Variants in PRICKLE1 observed in about 807,000 individuals in gnomAD.
The protein encoded by PRICKLE1 is prickle-like protein 1.
Under a neutral mutation model 70.2 loss-of-function variants are expected in PRICKLE1, and 14 were observed. That is an observed-to-expected ratio of 0.20 (90% confidence interval 0.13 to 0.31). The LOEUF (loss-of-function observed/expected upper bound fraction) is 0.31. Ranked by LOEUF, PRICKLE1 falls within the 10% of genes least tolerant of loss-of-function variation. The pLI is 1.00. For missense variants in PRICKLE1, 821 were observed against 1,026.2 expected (o/e 0.80, Z 2.73); for synonymous variants, 357 against 379.9 (o/e 0.94, Z 0.70).
intron 1 of PRICKLE1, among the ~76,000 whole-genome samples, chr12:42,474,890 A>G (rs1938463468): frequency 6.6e-6 from 1 of 152,230 alleles, no homozygotes. Flanking sequence ...TAAAAATTAA[A>G]TGTCACTGGA....
chr12:42,558,614 C>T (rs943209401), intron 1 of PRICKLE1, among the ~76,000 whole-genome samples: 14 of 152,216 alleles, frequency 9.2e-5, no homozygotes, highest in African/African-American at 2.2e-4. Flanking sequence ...GAGTGAACAC[C>T]GGACCACAAG....
intron 7 of PRICKLE1, 152 bp from the exon 8 acceptor site, chr12:42,460,817 C>T: frequency 1.2e-6 from 1 of 825,936 alleles, no homozygotes; most frequent in Non-Finnish European, 2.0e-6. Flanking sequence ...TGTATCTATG[C>T]CAATTGAGAA....
At chr12:42,513,965 C>T (rs1048778567) in intron 1 of PRICKLE1, among the ~76,000 whole-genome samples, 1 of 152,162 alleles carries the variant, frequency 6.6e-6, no homozygotes, top group South Asian at 2.1e-4. Context: ...CTATTGCACT[C>T]CAGCCTGGGC....
At chr12:42,472,649 T>C (rs1938371853) in intron 1 of PRICKLE1, 85 bp from the exon 2 acceptor site, 4 of 1,149,620 alleles carry the variant, frequency 3.5e-6, no homozygotes, top group African/African-American at 3.0e-5. Context: ...TATTGAATGC[T>C]GTTAACAGAC....
intron 5 of PRICKLE1, among the ~76,000 whole-genome samples, 153 bp downstream of exon 5, chr12:42,468,473 T>C (rs1470356489): frequency 6.6e-6 from 1 of 152,230 alleles, no homozygotes; most frequent in Non-Finnish European, 1.5e-5. Context: ...CAAATATAGA[T>C]CATTTCATTG....
At chr12:42,482,171 T>A (rs1166228488) in intron 1 of PRICKLE1, among the ~76,000 whole-genome samples, 1 of 152,248 alleles carries the variant, frequency 6.6e-6, no homozygotes, top group Non-Finnish European at 1.5e-5. Context: ...CAAGAAACTA[T>A]CCATTTTTCC....
chr12:42,528,097 T>G (rs2120526108), intron 1 of PRICKLE1, among the ~76,000 whole-genome samples: 1 of 152,032 alleles, frequency 6.6e-6, no homozygotes, highest in South Asian at 2.1e-4. Flanking sequence ...ACTTACTTAT[T>G]TGAGACAGAG....
intron 1 of PRICKLE1, among the ~76,000 whole-genome samples, chr12:42,562,904 A>G (rs950357365): frequency 6.6e-6 from 1 of 152,168 alleles, no homozygotes; most frequent in Non-Finnish European, 1.5e-5. Flanking sequence ...AATTGTGATC[A>G]GGGGGCCGGG....
intron 1 of PRICKLE1, among the ~76,000 whole-genome samples, chr12:42,504,232 C>T (rs527399968): frequency 6.6e-6 from 1 of 152,296 alleles, no homozygotes; most frequent in South Asian, 2.1e-4. Context: ...GGCTCAGAGG[C>T]ACCACTCCTG....
At chr12:42,527,128 CTTTTTTT>C (rs386376309) in intron 1 of PRICKLE1, among the ~76,000 whole-genome samples, 35 of 100,788 alleles carry the variant, frequency 3.5e-4, no homozygotes, top group African/African-American at 6.0e-4. Context: ...TTTTTTTCCT[CTTTTTTT>C]TTTTTTTTTT....
chr12:42,478,917 A>T (rs757769892), intron 1 of PRICKLE1, among the ~76,000 whole-genome samples: 1 of 152,174 alleles, frequency 6.6e-6, no homozygotes, highest in Non-Finnish European at 1.5e-5. Context: ...CATCATTGTC[A>T]AGAGAACATC....
At chr12:42,540,066 A>C (rs1471637472) in intron 1 of PRICKLE1, among the ~76,000 whole-genome samples, 1 of 152,166 alleles carries the variant, frequency 6.6e-6, no homozygotes, top group Non-Finnish European at 1.5e-5. Context: ...TACATCATGA[A>C]CCTCCCTGGT....
chr12:42,479,793 T>C (rs1278339860), intron 1 of PRICKLE1, among the ~76,000 whole-genome samples: 1 of 151,944 alleles, frequency 6.6e-6, no homozygotes, highest in African/African-American at 2.4e-5. Flanking sequence ...CCATCTCTAC[T>C]AAAAATACAA....
chr12:42,560,817 C>A (rs934185519), intron 1 of PRICKLE1, among the ~76,000 whole-genome samples: 1 of 130,984 alleles, frequency 7.6e-6, no homozygotes, highest in Non-Finnish European at 1.7e-5. Context: ...CACACACACA[C>A]AAAACAAAAA....
chr12:42,469,335 C>G (rs1440877533), intron 4 of PRICKLE1, 115 bp downstream of exon 4: 1 of 1,233,244 alleles, frequency 8.1e-7, no homozygotes, highest in East Asian at 2.3e-5. Context: ...GTCTTTCTCT[C>G]ATTTTCTGGA....
In PRICKLE1 at chr12:42,457,426, C is replaced by A. The variant is rs1228457256; in HGVS notation, c.*2383G>T. On this transcript the variant is annotated 3_prime_UTR_variant, in exon 8 of 8. Coordinates refer to ENST00000345127, the MANE Select transcript of PRICKLE1 (RefSeq NM_153026.3). ...AAAAGGATGCCCACTTGTGGCAGCACAGGTTCTGAAAATTTCTTCAAAATC... is the reference window on the plus strand; with the variant it reads ...AAAAGGATGCCCACTTGTGGCAGCAAAGGTTCTGAAAATTTCTTCAAAATC... The A allele has an allele frequency of 1.3e-5, 2 of 152,186 alleles. No homozygotes were observed. Among genetic ancestry groups the A allele is most frequent in the African/African-American group, 4.8e-5 (2 of 41,452 alleles). 9.4% of individuals were successfully genotyped at this position (152,186 alleles called of 1,614,324 possible). A position where few individuals can be genotyped will look rare whatever the true frequency, so the allele number is the denominator to read the frequency against.
intron 1 of PRICKLE1, among the ~76,000 whole-genome samples, chr12:42,511,725 A>C (rs1324993043): frequency 6.6e-6 from 1 of 152,198 alleles, no homozygotes; most frequent in Non-Finnish European, 1.5e-5. Context: ...ATTATTTCCA[A>C]GAAACCCAGC....
chr12:42,573,482 TAAACATTATTCCC>T (rs1592040098), intron 1 of PRICKLE1, among the ~76,000 whole-genome samples: 1 of 152,192 alleles, frequency 6.6e-6, no homozygotes, highest in Non-Finnish European at 1.5e-5. Context: ...AGAGGCGACT[TAAACATTATTCCC>T]AAAGATTGGC....
intron 1 of PRICKLE1, among the ~76,000 whole-genome samples, chr12:42,549,477 T>C (rs1940272051): frequency 6.6e-6 from 1 of 152,152 alleles, no homozygotes; most frequent in South Asian, 2.1e-4. Flanking sequence ...GCCACATCTT[T>C]CCTTTAGGGT....
Sources: gnomAD v4.1 joint callset for allele counts (sites outside exome capture counted in the v4.1 genomes callset) on GRCh38, gnomAD v4.1.1 for gene constraint, MANE v1.5 for transcripts, NCBI Gene and HGNC (gene_info 2026-07-23, HGNC 2026-07-21) for gene names.